PCDHGB2: variants seen among roughly 807,000 people sequenced by gnomAD.
The protein encoded by PCDHGB2 is protocadherin gamma subfamily B, 2.
In PCDHGB2, 55 loss-of-function variants were observed where a neutral mutation model predicts 59.3. The ratio of observed to expected loss-of-function variants is 0.93; its 90% CI spans 0.75 to 1.16. The LOEUF is 1.16. Among genes scored for constraint, PCDHGB2 ranks in the 50% most tolerant of loss-of-function variants. PCDHGB2 has a pLI of 0.00. For synonymous variants in PCDHGB2, 516 were observed against 512.0 expected (o/e 1.01, Z -0.11); for missense variants, 1,228 against 1,198.5 (o/e 1.02, Z -0.36).
At position 141,398,835 on chromosome 5, in the gene PCDHGB2, T is replaced by C. The variant is rs371527677; in HGVS notation, c.2421+36279T>C. The C allele has an allele frequency of 2.0e-5, 33 of 1,613,914 alleles. No homozygotes were observed. In the African/African-American group the frequency reaches 3.7e-4, roughly 18 times the overall value. ...TCCGGATCCAGGTAACCGACGCCAA[T>C]GATAATCCCCCGGTATTCAACCGAG... On this transcript the variant is annotated intron_variant, in intron 1 of 3. Transcript: ENST00000522605.
Position 141,485,549 on chromosome 5 carries a change from G to A in PCDHGB2, c.2422-9258G>A. 6.2e-7 allele frequency: 1 copy of A among 1,614,030 alleles called. No homozygotes were observed. The highest frequency in any genetic ancestry group is 1.1e-5 in the South Asian group (1 of 91,068). On this transcript the variant is annotated intron_variant, in intron 1 of 3. Transcript: ENST00000522605. The surrounding 1 kb of genome is among the most constrained non-coding windows in gnomAD (Gnocchi z 5.7). ...CCGAGCAGAGGTAGAGATCGTAGATGTGAATGATCACGCCCCCCGTTTTCC... is the reference window on the plus strand; with the variant it reads ...CCGAGCAGAGGTAGAGATCGTAGATATGAATGATCACGCCCCCCGTTTTCC...
chr5:141,371,753 C>G, intron 1 of PCDHGB2: 1 of 1,614,050 alleles, frequency 6.2e-7, no homozygotes, highest in Non-Finnish European at 8.5e-7. Context: ...CCGTTTTCCA[C>G]CAGGCCTCCT....
In PCDHGB2 at chr5:141,403,600, T is replaced by C. The variant is rs530169293; in HGVS notation, c.2421+41044T>C. 72 of 1,613,786 alleles carry C rather than the reference T, an allele frequency of 4.5e-5. 1 individual carries two copies. The East Asian group carries it at 1.6e-3, about 35-fold the overall frequency. On this transcript the variant is annotated intron_variant, in intron 1 of 3. Coordinates refer to ENST00000522605, the MANE Select transcript of PCDHGB2 (RefSeq NM_018923.3). ...ACCACCTGGTCCTCACGGCCTCGGATGGCGGCGAGCCGCGTCGCTCCAGCA... is the reference window on the plus strand; with the variant it reads ...ACCACCTGGTCCTCACGGCCTCGGACGGCGGCGAGCCGCGTCGCTCCAGCA...
intron 1 of PCDHGB2, chr5:141,417,773 T>C: frequency 6.9e-7 from 1 of 1,458,374 alleles, no homozygotes; most frequent in South Asian, 1.4e-5. Context: ...GGACTCCTCC[T>C]GTCCTGGGCC....
At chr5:141,424,525 A>G (rs1010194490) in intron 1 of PCDHGB2, 2 of 152,196 alleles carry the variant, frequency 1.3e-5, no homozygotes, top group Non-Finnish European at 2.9e-5. Context: ...TAGTAAATCC[A>G]TATATAGAAA....
chr5:141,450,010 T>A (rs2098664468), intron 1 of PCDHGB2, among the ~76,000 whole-genome samples: 1 of 135,330 alleles, frequency 7.4e-6, no homozygotes, highest in African/African-American at 3.3e-5. Flanking sequence ...ATGTCTCTTT[T>A]TTTTTTTTTT....
Position 141,408,181 on chromosome 5 carries a change from C to G in PCDHGB2, c.2421+45625C>G, listed in dbSNP as rs1304952667. ...TTTCTCCAACTGGAAAAGCGGGGAC[C>G]CAGCGAGAACCCGAGCGAACGATGG... On this transcript the variant is annotated intron_variant, in intron 1 of 3. Coordinates refer to ENST00000522605, the MANE Select transcript of PCDHGB2 (RefSeq NM_018923.3). The G allele has an allele frequency of 1.6e-5, 24 of 1,536,932 alleles. No individual in the cohort carries two copies. In the East Asian group the frequency reaches 5.6e-4, roughly 36 times the overall value.
chr5:141,434,072 A>G lies in PCDHGB2; in HGVS notation c.2422-60735A>G, dbSNP rs558084143. On this transcript the variant is annotated intron_variant, in intron 1 of 3. Coordinates refer to ENST00000522605, the MANE Select transcript of PCDHGB2 (RefSeq NM_018923.3). ...CAATGGCCTGTAATCTGTTAATATC[A>G]ATTATTTATTTTGATGCTGAAATTG... Among the ~76,000 whole-genome samples the G allele has an allele frequency of 1.9e-3, 289 of 152,072 alleles. 1 individual carries two copies. Among genetic ancestry groups the G allele is most frequent in the African/African-American group, 6.7e-3 (276 of 41,486 alleles).
chr5:141,400,220 T>C, intron 1 of PCDHGB2: 1 of 1,614,006 alleles, frequency 6.2e-7, no homozygotes. Context: ...ATCTCAGTGC[T>C]CTTCCTCCTG....
intron 1 of PCDHGB2, chr5:141,365,051 C>T: frequency 6.2e-7 from 1 of 1,613,924 alleles, no homozygotes; most frequent in Non-Finnish European, 8.5e-7. Context: ...CAATGCGCCC[C>T]TGTTCACCCC....
chr5:141,415,078 G>C, intron 1 of PCDHGB2: 1 of 1,613,494 alleles, frequency 6.2e-7, no homozygotes, highest in Non-Finnish European at 8.5e-7. Context: ...CACGGCGCGA[G>C]CCCTGCTGGA....
At chr5:141,417,673 C>G in intron 1 of PCDHGB2, 3 of 970,368 alleles carry the variant, frequency 3.1e-6, no homozygotes, top group Non-Finnish European at 2.9e-6. Context: ...CCTGCGCAGC[C>G]AACAACAGAA....
intron 1 of PCDHGB2, chr5:141,399,623 C>A: frequency 6.2e-7 from 1 of 1,613,920 alleles, no homozygotes; most frequent in South Asian, 1.1e-5. Context: ...GCACTGGCCT[C>A]TTACGTGTCC....
intron 1 of PCDHGB2, among the ~76,000 whole-genome samples, chr5:141,367,985 T>C (rs1158650986): frequency 6.6e-6 from 1 of 152,224 alleles, no homozygotes; most frequent in African/African-American, 2.4e-5. Flanking sequence ...CTTAAATTAA[T>C]AGATTTGTCT....
At chr5:141,372,238 G>C in intron 1 of PCDHGB2, 4 of 1,613,300 alleles carry the variant, frequency 2.5e-6, no homozygotes, top group Non-Finnish European at 3.4e-6. Flanking sequence ...AGCGAGCCCG[G>C]GCTGTTCAGC....
chr5:141,434,838 A>G (rs1363952147), intron 1 of PCDHGB2, among the ~76,000 whole-genome samples: 1 of 152,022 alleles, frequency 6.6e-6, no homozygotes, highest in Non-Finnish European at 1.5e-5. Context: ...GGCATTTATA[A>G]AGCAGACATC....
At chr5:141,422,665 C>T in intron 1 of PCDHGB2, 2 of 1,608,390 alleles carry the variant, frequency 1.2e-6, no homozygotes, top group Non-Finnish European at 8.5e-7. Context: ...CGCCCTCGAC[C>T]CGGACAGCAA....
intron 1 of PCDHGB2, chr5:141,492,033 C>A: frequency 1.8e-6 from 1 of 548,342 alleles, no homozygotes; most frequent in Non-Finnish European, 3.1e-6. Flanking sequence ...CGGGAGGAGG[C>A]AGTCACAGAT....
chr5:141,480,719 A>G (rs1455113968), intron 1 of PCDHGB2, among the ~76,000 whole-genome samples: 1 of 152,194 alleles, frequency 6.6e-6, no homozygotes, highest in Non-Finnish European at 1.5e-5. Flanking sequence ...ATGAAAGCAC[A>G]GTCTCTGGGG....
Sources: gnomAD v4.1 joint callset for allele counts (sites outside exome capture counted in the v4.1 genomes callset) on GRCh38, gnomAD v4.1.1 for gene constraint, Gnocchi (gnomAD v3.1) non-coding constraint, MANE v1.5 for transcripts, NCBI Gene and HGNC (gene_info 2026-07-23, HGNC 2026-07-21) for gene names.